ROBO1: variants seen among roughly 807,000 people sequenced by gnomAD.
ROBO1 encodes roundabout homolog 1.
A neutral mutation model predicts 195.9 loss-of-function variants in ROBO1; 149 were observed. That is an observed-to-expected ratio of 0.76 (90% CI 0.67 to 0.87). The LOEUF (loss-of-function observed/expected upper bound fraction) is 0.87. ROBO1 is among the 40% of genes least tolerant of loss of function. The probability of loss-of-function intolerance (pLI) is 0.00; values close to 1 mark genes in which losing one functional copy is unlikely to be tolerated. For missense variants in ROBO1, 1,933 were observed against 2,068.3 expected, an observed-to-expected ratio of 0.93 and a Z score of 1.27; for synonymous variants, 816 against 733.2, an observed-to-expected ratio of 1.11 and a Z score of -1.82.
At chr3:79,449,724 A>G (rs960150624) in intron 2 of ROBO1, among the ~76,000 whole-genome samples, 2 of 152,204 alleles carry the variant, frequency 1.3e-5, no homozygotes. Flanking sequence ...ATAAATATCT[A>G]AATAGTTAAT....
At chr3:79,641,886 C>T (rs1384068031) in intron 1 of ROBO1, among the ~76,000 whole-genome samples, 1 of 152,020 alleles carries the variant, frequency 6.6e-6, no homozygotes, top group East Asian at 1.9e-4. Flanking sequence ...AGGCATGAGG[C>T]CTGGTACCTG....
In ROBO1 at chr3:78,668,527, G is replaced by A; in HGVS notation, c.1587C>T (p.Thr529=). 6.2e-7 allele frequency: 1 copy of A among 1,613,832 alleles called. No individual in the cohort carries two copies. Among genetic ancestry groups the A allele is most frequent in the South Asian group, 1.1e-5 (1 of 91,078 alleles). The change falls in exon 12 of 31, where the codon ACC becomes ACT. Residue 529 remains threonine, a synonymous_variant. Transcript: ENST00000464233. ...CACTCCATGTTGCTTCACCACTGGG[G>A]GTTGATGCAATGCAGGTGTACCGAC... ...DTGRYTCIAS[T]PSGEATWSAY...
intron 2 of ROBO1, among the ~76,000 whole-genome samples, chr3:79,472,226 T>C (rs1575873810): frequency 6.6e-6 from 1 of 152,076 alleles, no homozygotes; most frequent in Admixed American, 6.6e-5. Context: ...TTTCTCTCCC[T>C]CCAACTTCAT....
At chr3:78,888,483 T>C (rs1050408341) in intron 4 of ROBO1, among the ~76,000 whole-genome samples, 6 of 152,196 alleles carry the variant, frequency 3.9e-5, no homozygotes, top group Admixed American at 1.3e-4. Context: ...ACAAGCCAGA[T>C]TTCAGAAATT....
intron 5 of ROBO1, among the ~76,000 whole-genome samples, chr3:78,740,467 TTTC>T (rs2082501825): frequency 2.0e-5 from 3 of 150,796 alleles, no homozygotes; most frequent in East Asian, 1.9e-4. Context: ...TCTTTCTTTC[TTTC>T]TTTCTTTCTT....
At chr3:79,034,046 C>A (rs1168784580) in intron 3 of ROBO1, among the ~76,000 whole-genome samples, 1 of 152,140 alleles carries the variant, frequency 6.6e-6, no homozygotes, top group East Asian at 1.9e-4. Flanking sequence ...CTAACTACCT[C>A]TGATCTAGAT....
At chr3:79,379,314 T>A (rs756712821) in intron 2 of ROBO1, among the ~76,000 whole-genome samples, 9 of 152,202 alleles carry the variant, frequency 5.9e-5, no homozygotes, top group Admixed American at 2.6e-4. Context: ...GTTCCTTGCT[T>A]CTTTGGGCTT....
Position 78,867,285 on chromosome 3 carries a change from G to A in ROBO1, c.499+71316C>T, listed in dbSNP as rs763215700. Among the ~76,000 whole-genome samples, 4 of 152,076 alleles carry A rather than the reference G, an allele frequency of 2.6e-5. No homozygotes were observed. In the East Asian group the frequency reaches 7.7e-4, roughly 29 times the overall value. On this transcript the variant is annotated intron_variant, in intron 4 of 30. Coordinates refer to ENST00000464233, the MANE Select transcript of ROBO1 (RefSeq NM_002941.4). ...TGCCTCCTTCATTTCTATTACCTTA[G>A]AAGTATTTGTTGACTTATGATTATA...
intron 28 of ROBO1, among the ~76,000 whole-genome samples, chr3:78,611,042 T>C (rs1473443732): frequency 6.6e-6 from 1 of 152,184 alleles, no homozygotes; most frequent in African/African-American, 2.4e-5. Flanking sequence ...TTTGTATGTA[T>C]GTGTGTAGAC....
At chr3:78,877,353 T>C (rs540639482) in intron 4 of ROBO1, among the ~76,000 whole-genome samples, 1 of 151,832 alleles carries the variant, frequency 6.6e-6, no homozygotes, top group Non-Finnish European at 1.5e-5. Context: ...GGAAGGACAA[T>C]GGAATAACAA....
chr3:79,229,123 C>T (rs968636794), intron 2 of ROBO1, among the ~76,000 whole-genome samples: 4 of 152,116 alleles, frequency 2.6e-5, no homozygotes, highest in Non-Finnish European at 5.9e-5. Flanking sequence ...TTATATTTAA[C>T]TTCCTTTCTA....
intron 1 of ROBO1, among the ~76,000 whole-genome samples, chr3:79,598,211 A>G (rs1944237853): frequency 6.6e-6 from 1 of 152,132 alleles, no homozygotes; most frequent in African/African-American, 2.4e-5. Context: ...TTTTTTAAAC[A>G]TAATCTGTAA....
At chr3:79,460,833 C>T (rs1937611109) in intron 2 of ROBO1, among the ~76,000 whole-genome samples, 1 of 152,056 alleles carries the variant, frequency 6.6e-6, no homozygotes, top group African/African-American at 2.4e-5. Flanking sequence ...CTGCAAGCTG[C>T]ACCTCCCTGG....
At chr3:79,110,564 G>A (rs1016081949) in intron 3 of ROBO1, among the ~76,000 whole-genome samples, 44 of 151,026 alleles carry the variant, frequency 2.9e-4, no homozygotes, top group African/African-American at 8.7e-4. Context: ...TCAAGAATGA[G>A]AATCTCGTAT....
At chr3:78,693,533 GT>G (rs1460273084) in intron 8 of ROBO1, among the ~76,000 whole-genome samples, 2 of 151,958 alleles carry the variant, frequency 1.3e-5, no homozygotes, top group African/African-American at 4.8e-5. Context: ...AGCATTTTAG[GT>G]ATAATCATGA....
intron 3 of ROBO1, among the ~76,000 whole-genome samples, chr3:78,981,116 A>G (rs2076981533): frequency 1.3e-5 from 2 of 152,156 alleles, no homozygotes. Context: ...AAAAAATTCG[A>G]CTTTCCCAAG....
chr3:79,596,104 A>G (rs1944161299), intron 1 of ROBO1, among the ~76,000 whole-genome samples: 1 of 152,038 alleles, frequency 6.6e-6, no homozygotes, highest in Non-Finnish European at 1.5e-5. Context: ...AGGAAAATCA[A>G]TCACCCAAAA....
chr3:79,399,053 T>C (rs1286486611), intron 2 of ROBO1, among the ~76,000 whole-genome samples: 1 of 152,056 alleles, frequency 6.6e-6, no homozygotes, highest in Non-Finnish European at 1.5e-5. Context: ...GAATAGGTCA[T>C]AGGGCCAGAG....
chr3:79,014,649 T>C (rs2108233180), intron 3 of ROBO1, among the ~76,000 whole-genome samples: 1 of 152,322 alleles, frequency 6.6e-6, no homozygotes, highest in African/African-American at 2.4e-5. Flanking sequence ...GCTTTTTATT[T>C]CTTTATGTTT....
Sources: gnomAD v4.1 joint callset for allele counts (sites outside exome capture counted in the v4.1 genomes callset) on GRCh38, gnomAD v4.1.1 for gene constraint, MANE v1.5 for transcripts, NCBI Gene and HGNC (gene_info 2026-07-23, HGNC 2026-07-21) for gene names.